Variants in KLHL3 observed in about 807,000 individuals in gnomAD.
The protein encoded by KLHL3 is kelch like family member 3, also known as kelch-like protein 3.
Under a neutral mutation model 70.5 loss-of-function variants are expected in KLHL3, and 19 were observed. The ratio of observed to expected loss-of-function variants is 0.27; its 90% CI spans 0.19 to 0.40. The LOEUF (loss-of-function observed/expected upper bound fraction) is 0.40. Ranked by LOEUF, KLHL3 falls within the 10% of genes least tolerant of loss-of-function variation. The pLI, the probability that KLHL3 is intolerant of heterozygous loss-of-function variation, is 1.00. For synonymous variants in KLHL3, 258 were observed against 290.3 expected (o/e 0.89, Z 1.13); for missense variants, 512 against 771.1 (o/e 0.66, Z 3.98).
rs748477300 is a variant in KLHL3 at position 137,622,118 on chromosome 5, C to T, written c.1744G>A (p.Val582Met). ...TTGGGTCACAAGGACTTGTGAATCA[C>T]GGCAACACCTAATAAGAAAGGGGGA... ...STGRSYAGVAVIHKSL is the reference protein window; with the variant it reads ...STGRSYAGVAMIHKSL Residue 582 changes from valine (V) to methionine (M), a missense_variant, in exon 15 of 15, where the codon GTG (valine) becomes ATG (methionine). Val to Met is a conservative substitution (Grantham distance 21). Transcript: ENST00000309755. 21 of 1,614,202 alleles carry T rather than the reference C, an allele frequency of 1.3e-5. No individual in the cohort carries two copies. Among genetic ancestry groups the T allele is most frequent in the East Asian group, 2.2e-5 (1 of 44,894 alleles).
Position 137,620,213 on chromosome 5 carries a change from A to T in KLHL3, c.*1885T>A, listed in dbSNP as rs1756355934. On this transcript the variant is annotated 3_prime_UTR_variant, in exon 15 of 15. Transcript: ENST00000309755. The stretch of plus-strand genomic sequence containing the variant: ...AAGCTGGATATTTTAGCCTCTTCTG[A>T]AGGCTTCTAAAAATTCTGGGTACCT... 1 of 152,196 alleles carries T rather than the reference A, an allele frequency of 6.6e-6. No individual in the cohort carries two copies. The highest frequency in any genetic ancestry group is 2.1e-4 in the South Asian group (1 of 4,834). 9.4% of individuals were successfully genotyped at this position (152,196 alleles called of 1,614,324 possible).
At chr5:137,657,736 A>G (rs1246383332) in intron 8 of KLHL3, among the ~76,000 whole-genome samples, 1 of 152,218 alleles carries the variant, frequency 6.6e-6, no homozygotes, top group Non-Finnish European at 1.5e-5. Context: ...GAAACAGACT[A>G]GGACTATTCT....
At position 137,639,003 on chromosome 5, in the gene KLHL3, G is replaced by A. The variant is rs1750840588; in HGVS notation, c.1169C>T (p.Ala390Val). 3 of 1,613,992 alleles carry A rather than the reference G, an allele frequency of 1.9e-6. No individual in the cohort carries two copies. Among genetic ancestry groups the A allele is most frequent in the East Asian group, 2.2e-5 (1 of 44,890 alleles). Residue 390 changes from alanine (A) to valine (V), a missense_variant, in exon 10 of 15, where the codon GCG becomes GTG. Ala to Val is a moderately conservative substitution (Grantham distance 64). Transcript: ENST00000309755. The surrounding 1 kb of genome is among the most constrained non-coding windows in gnomAD (Gnocchi z 5.0). Reference protein sequence around the residue: ...MQERRSTLGAAVLNDLLYAVG... With the variant: ...MQERRSTLGAVVLNDLLYAVG... ...TGCGTAGAGCAAGTCATTGAGCACC[G>A]CTGCGCCCAGTGTGCTCCGGCGCTC...
At chr5:137,660,308 C>G (rs898144737) in intron 7 of KLHL3, among the ~76,000 whole-genome samples, 3 of 152,140 alleles carry the variant, frequency 2.0e-5, no homozygotes, top group Admixed American at 2.0e-4. Context: ...CCAACGGTCT[C>G]TAAGGCCACT....
intron 1 of KLHL3, among the ~76,000 whole-genome samples, chr5:137,730,972 T>G (rs1303433755): frequency 1.3e-5 from 2 of 152,094 alleles, no homozygotes; most frequent in African/African-American, 4.8e-5. Flanking sequence ...ATTTTTTACA[T>G]GGTTTATTAG....
intron 8 of KLHL3, among the ~76,000 whole-genome samples, chr5:137,650,170 C>T (rs1751164788): frequency 6.6e-6 from 1 of 152,158 alleles, no homozygotes; most frequent in African/African-American, 2.4e-5. Flanking sequence ...TCTAAGTGGT[C>T]ACCAGAGGGT....
rs529937913 is a variant in KLHL3 at position 137,628,370 on chromosome 5, G to A, written c.1518C>T (p.Ser506=). The A allele has an allele frequency of 2.7e-4, 436 of 1,614,100 alleles. 5 individuals carry two copies. The South Asian group carries it at 4.4e-3, about 16-fold the overall frequency. Residue 506 remains serine (S), a synonymous_variant, in exon 13 of 15, where the codon AGC becomes AGT. Coordinates refer to ENST00000309755, the MANE Select transcript of KLHL3 (RefSeq NM_017415.3). ...GGHDGPLVRK[S]VEVYDPGTNT... is the part of the protein sequence containing the mutation. The stretch of plus-strand genomic sequence containing the variant: ...TTGTTCCAGGATCGTAAACCTCAAC[G>A]CTCTTCCTCACCAAAGGCCCATCAT...
intron 1 of KLHL3, among the ~76,000 whole-genome samples, chr5:137,733,281 T>C (rs560892134): frequency 1.3e-5 from 2 of 152,348 alleles, no homozygotes; most frequent in South Asian, 2.1e-4. Context: ...CGTGCTAAGA[T>C]AATAAGGCTG....
At chr5:137,718,629 A>G (rs1220791010) in intron 2 of KLHL3, among the ~76,000 whole-genome samples, 5 of 152,258 alleles carry the variant, frequency 3.3e-5, no homozygotes, top group Non-Finnish European at 5.9e-5. Context: ...ACCAGGCAAA[A>G]TAAGGCCTGG....
intron 6 of KLHL3, chr5:137,672,944 C>A (rs1402745492): frequency 6.6e-6 from 1 of 152,248 alleles, no homozygotes; most frequent in Non-Finnish European, 1.5e-5. Flanking sequence ...GAATCAGATG[C>A]CTGGCTTTAA....
intron 7 of KLHL3, among the ~76,000 whole-genome samples, chr5:137,658,688 T>G (rs554346450): frequency 1.3e-5 from 2 of 152,260 alleles, no homozygotes; most frequent in South Asian, 4.1e-4. Context: ...CAAACAGACA[T>G]CTGAGAGGAG....
chr5:137,663,328 A>T (rs1202558823), intron 6 of KLHL3, among the ~76,000 whole-genome samples: 1 of 151,798 alleles, frequency 6.6e-6, no homozygotes, highest in Non-Finnish European at 1.5e-5. Context: ...AAGTGCTGGG[A>T]TTACAAGCGT....
At chr5:137,700,310 T>C (rs529681119) in intron 3 of KLHL3, among the ~76,000 whole-genome samples, 1 of 152,208 alleles carries the variant, frequency 6.6e-6, no homozygotes, top group East Asian at 1.9e-4. Flanking sequence ...CAAAAGATAA[T>C]CAAAGATAGC....
chr5:137,640,960 T>G (rs926415424), intron 8 of KLHL3, among the ~76,000 whole-genome samples: 1 of 152,256 alleles, frequency 6.6e-6, no homozygotes, highest in African/African-American at 2.4e-5. Flanking sequence ...GATAGCAATT[T>G]AAATGCATTT....
At chr5:137,706,729 T>A (rs1439077307) in intron 3 of KLHL3, among the ~76,000 whole-genome samples, 3 of 152,196 alleles carry the variant, frequency 2.0e-5, no homozygotes, top group African/African-American at 7.2e-5. Context: ...TAAAATTAGG[T>A]TGTAACTGCA....
At chr5:137,626,136 T>A (rs539855406) in intron 13 of KLHL3, among the ~76,000 whole-genome samples, 1 of 152,290 alleles carries the variant, frequency 6.6e-6, no homozygotes, top group South Asian at 2.1e-4. Context: ...GAGTTTTGAT[T>A]ACTTATAACG....
At chr5:137,661,598 C>T in intron 7 of KLHL3, 1 of 220,790 alleles carries the variant, frequency 4.5e-6, no homozygotes. Context: ...TACTCTACTC[C>T]TTTAGTCCTC....
intron 1 of KLHL3, among the ~76,000 whole-genome samples, chr5:137,733,206 T>C (rs918190621): frequency 7.2e-5 from 11 of 152,134 alleles, no homozygotes; most frequent in Admixed American, 1.3e-4. Context: ...CCAGGGAACT[T>C]GTAAAACAAG....
At chr5:137,705,172 C>G (rs542565158) in intron 3 of KLHL3, among the ~76,000 whole-genome samples, 1 of 152,224 alleles carries the variant, frequency 6.6e-6, no homozygotes, top group African/African-American at 2.4e-5. Context: ...TTGTCCATTG[C>G]CTTGTATTCA....
Sources: gnomAD v4.1 joint callset for allele counts (sites outside exome capture counted in the v4.1 genomes callset) on GRCh38, gnomAD v4.1.1 for gene constraint, Gnocchi (gnomAD v3.1) non-coding constraint, MANE v1.5 for transcripts, NCBI Gene and HGNC (gene_info 2026-07-23, HGNC 2026-07-21) for gene names.